AR: variants seen among roughly 807,000 people sequenced by gnomAD.
The protein encoded by AR is androgen receptor.
Under a neutral mutation model 53.9 loss-of-function variants are expected in AR, and 8 were observed. The observed-to-expected ratio is 0.15, with a 90% CI of 0.09 to 0.27. AR has a LOEUF of 0.27. Ranked by LOEUF, AR falls within the 10% of genes least tolerant of loss-of-function variation. AR has a pLI of 1.00. For missense variants in AR, 639 were observed against 742.5 expected (o/e 0.86, Z 1.62); for synonymous variants, 359 against 316.4 (o/e 1.13, Z -1.43).
At chrX:67,678,558 G>C (rs1157185272) in intron 2 of AR, among the ~76,000 whole-genome samples, 1 of 111,503 alleles carries the variant, frequency 9.0e-6, no homozygotes, top group Admixed American at 9.5e-5. Context: ...TAGGTTCAGG[G>C]GTTCATGTGC....
At chrX:67,679,539 A>G (rs1484361098) in intron 2 of AR, among the ~76,000 whole-genome samples, 1 of 111,784 alleles carries the variant, frequency 8.9e-6, no homozygotes, top group Admixed American at 9.5e-5. Flanking sequence ...AAGTTTATAC[A>G]CATTTCCAAT....
intron 3 of AR, among the ~76,000 whole-genome samples, chrX:67,686,876 A>G (rs2075969705): frequency 9.0e-6 from 1 of 110,713 alleles, no homozygotes; most frequent in Non-Finnish European, 1.9e-5. Flanking sequence ...CATTCCAGAA[A>G]GGCTTGACAT....
At chrX:67,599,714 A>ATTT (rs1923255999) in intron 1 of AR, among the ~76,000 whole-genome samples, 1 of 112,084 alleles carries the variant, frequency 8.9e-6, no homozygotes. Flanking sequence ...CTACATGTAG[A>ATTT]TTTTCTTTTT....
At chrX:67,696,170 T>G (rs2076020255) in intron 3 of AR, 1 of 731,480 alleles carries the variant, frequency 1.4e-6, no homozygotes, top group Admixed American at 9.1e-5. Context: ...TTCTCTCTCG[T>G]TTGCTTTCCA....
At chrX:67,720,476 A>C (rs911503185) in intron 5 of AR, among the ~76,000 whole-genome samples, 7 of 112,078 alleles carry the variant, frequency 6.2e-5, no homozygotes, top group African/African-American at 2.3e-4. Context: ...GGGAAAGTAC[A>C]TTGGAGACTG....
chrX:67,616,522 A>G (rs1234164464), intron 1 of AR, among the ~76,000 whole-genome samples: 1 of 111,427 alleles, frequency 9.0e-6, no homozygotes, highest in Admixed American at 9.5e-5. Flanking sequence ...TGCAGAGGAC[A>G]TGAACTCATC....
At chrX:67,723,539 ACG>A in intron 7 of AR, 145 bp from the exon 8 acceptor site, 2 of 618,868 alleles carry the variant, frequency 3.2e-6, no homozygotes, top group Non-Finnish European at 5.3e-6. Context: ...ACACACACAC[ACG>A]ACCTCATGGG....
intron 1 of AR, among the ~76,000 whole-genome samples, chrX:67,569,941 A>G (rs1024389200): frequency 9.0e-6 from 1 of 111,029 alleles, no homozygotes; most frequent in Non-Finnish European, 1.9e-5. Context: ...TACTTATCTT[A>G]GTTTGTATTT....
At chrX:67,629,507 G>A (rs1460830506) in intron 1 of AR, among the ~76,000 whole-genome samples, 4 of 106,984 alleles carry the variant, frequency 3.7e-5, no homozygotes, top group African/African-American at 1.4e-4. Flanking sequence ...TTTTTATTGT[G>A]TCTATTTGAT....
At chrX:67,663,477 T>G (rs941833313) in intron 2 of AR, among the ~76,000 whole-genome samples, 6 of 112,393 alleles carry the variant, frequency 5.3e-5, no homozygotes, top group Non-Finnish European at 1.1e-4. Flanking sequence ...GCTTGTAGAG[T>G]TTCTGCTGAG....
intron 3 of AR, among the ~76,000 whole-genome samples, chrX:67,700,542 C>T (rs937807331): frequency 4.5e-5 from 5 of 111,608 alleles, no homozygotes; most frequent in Non-Finnish European, 9.4e-5. Context: ...TAGTCACTCT[C>T]TTTAGGCAGA....
At chrX:67,615,276 GATACATC>G (rs2037610212) in intron 1 of AR, among the ~76,000 whole-genome samples, 1 of 110,763 alleles carries the variant, frequency 9.0e-6, no homozygotes, top group Non-Finnish European at 1.9e-5. Flanking sequence ...TTGATACTTA[GATACATC>G]ATAGTCAAAA....
At chrX:67,605,402 G>T (rs535429625) in intron 1 of AR, among the ~76,000 whole-genome samples, 1 of 112,541 alleles carries the variant, frequency 8.9e-6, no homozygotes, top group African/African-American at 3.2e-5. Flanking sequence ...CATTTGCAAA[G>T]GATTCTTCCA....
chrX:67,718,496 A>G (rs1461032382), intron 5 of AR, among the ~76,000 whole-genome samples: 1 of 111,762 alleles, frequency 8.9e-6, no homozygotes, highest in Non-Finnish European at 1.9e-5. Flanking sequence ...TTCTTCATCC[A>G]TTAATGATAA....
At chrX:67,633,714 A>T (rs1354141560) in intron 1 of AR, among the ~76,000 whole-genome samples, 1 of 111,794 alleles carries the variant, frequency 8.9e-6, no homozygotes, top group Non-Finnish European at 1.9e-5. Context: ...TATCCATGCC[A>T]TGGTTTATCT....
At chrX:67,631,777 C>G (rs1167453502) in intron 1 of AR, among the ~76,000 whole-genome samples, 1 of 112,266 alleles carries the variant, frequency 8.9e-6, no homozygotes. Context: ...GTTTTATCTA[C>G]TTTTGGTGTT....
chrX:67,556,418 A>G (rs1317444181), intron 1 of AR, among the ~76,000 whole-genome samples: 1 of 111,844 alleles, frequency 8.9e-6, no homozygotes, highest in Non-Finnish European at 1.9e-5. Context: ...TAGGTTTGTT[A>G]CCCATCCACC....
rs1280452912 is a variant in AR, at chrX:67,546,606, C to T, written c.1460C>T (p.Pro487Leu). 1 of 1,188,033 alleles carries T rather than the reference C, an allele frequency of 8.4e-7. No homozygotes were observed. Among genetic ancestry groups the T allele is most frequent in the East Asian group, 3.1e-5 (1 of 32,608 alleles). The change falls in exon 1 of 8, where the codon CCT becomes CTT. Residue 487 changes from proline (P) to leucine (L), a missense_variant. Around this residue, in one of 5 missense-constraint regions of AR, gnomAD observed 423 missense variants for 377.0 expected, o/e 1.12. Coordinates refer to ENST00000374690, the MANE Select transcript of AR (RefSeq NM_000044.6). ...AVAPYGYTRPPQGLAGQESDF... is the reference protein window; with the variant it reads ...AVAPYGYTRPLQGLAGQESDF... ...GCCCCCTACGGCTACACTCGGCCCC[C>T]TCAGGGGCTGGCGGGCCAGGAAAGC...
intron 3 of AR, among the ~76,000 whole-genome samples, chrX:67,694,221 C>A (rs1038938928): frequency 2.7e-5 from 3 of 110,593 alleles, no homozygotes; most frequent in African/African-American, 9.9e-5. Flanking sequence ...TAGTATTATG[C>A]AATTGTTTGG....
Sources: allele counts gnomAD v4.1 joint callset (sites outside exome capture counted in the v4.1 genomes callset), GRCh38; gene constraint gnomAD v4.1.1; regional missense constraint gnomAD v4.1.1; transcripts MANE v1.5; gene names NCBI Gene and HGNC (gene_info 2026-07-23, HGNC 2026-07-21).